SCN9A: variants seen among roughly 807,000 people sequenced by gnomAD.
The protein encoded by SCN9A is sodium voltage-gated channel alpha subunit 9, also known as sodium channel protein type 9 subunit alpha.
Under a neutral mutation model 187.0 loss-of-function variants are expected in SCN9A, and 131 were observed. That is an observed-to-expected ratio of 0.70 (90% confidence interval 0.61 to 0.81). The LOEUF is 0.81. Among genes scored for constraint, SCN9A ranks in the 30% least tolerant of loss-of-function variants. The pLI is 0.00. For missense variants in SCN9A, 2,252 were observed against 2,396.6 expected (o/e 0.94, Z 1.26); for synonymous variants, 809 against 808.6 (o/e 1.00, Z -0.01).
intron 19 of SCN9A, among the ~76,000 whole-genome samples, chr2:166,240,976 C>T (rs1008541373): frequency 4.6e-5 from 7 of 152,124 alleles, no homozygotes; most frequent in African/African-American, 1.7e-4. Context: ...ATAATGCCCC[C>T]ATGAGACCTG....
intron 21 of SCN9A, among the ~76,000 whole-genome samples, chr2:166,231,606 C>A (rs1479487506): frequency 7.6e-6 from 1 of 131,900 alleles, no homozygotes; most frequent in Non-Finnish European, 1.5e-5. Context: ...GGCTGGAGTG[C>A]AGTTGCATGA....
chr2:166,213,427 G>T (rs1398150513), intron 24 of SCN9A, among the ~76,000 whole-genome samples: 1 of 144,896 alleles, frequency 6.9e-6, no homozygotes, highest in Non-Finnish European at 1.5e-5. Flanking sequence ...TGAATCATGA[G>T]GAAATAGAAT....
chr2:166,222,136 C>G (rs2106376004), intron 24 of SCN9A, among the ~76,000 whole-genome samples: 1 of 152,002 alleles, frequency 6.6e-6, no homozygotes, highest in South Asian at 2.1e-4. Context: ...AACTAAAAAG[C>G]TTTGGGAAAA....
Position 166,251,746 on chromosome 2 carries a change from G to C in SCN9A, c.3472+19C>G. The C allele has an allele frequency of 6.2e-7, 1 of 1,611,926 alleles. No homozygotes were observed. The highest frequency in any genetic ancestry group is 1.1e-5 in the South Asian group (1 of 91,016). On this transcript the variant is annotated intron_variant, in intron 18 of 26. Coordinates refer to ENST00000642356, the MANE Select transcript of SCN9A (RefSeq NM_001365536.1). Reference sequence around the variant, plus strand: ...CACTAATTAAGGAATGCTAACCAAGGTCTCAATTTTTGTCTTACCATCTGT... The same window carrying C: ...CACTAATTAAGGAATGCTAACCAAGCTCTCAATTTTTGTCTTACCATCTGT...
In SCN9A at chr2:166,251,808, A is replaced by G. The variant is rs1257392459; in HGVS notation, c.3429T>C (p.Ala1143=). ...CTGGCTCATCGGAATTCATAGGTTC[A>G]GCCTCTGCTTCTTCTCCTTCTCCAG... ...PLPGEGEEAE[A]EPMNSDEPEA... Residue 1143 remains alanine, a synonymous_variant, in exon 18 of 27, where the codon GCT becomes GCC. Coordinates refer to ENST00000642356, the MANE Select transcript of SCN9A (RefSeq NM_001365536.1). 1 of 1,612,774 alleles carries G rather than the reference A, an allele frequency of 6.2e-7. No homozygotes were observed. The highest frequency in any genetic ancestry group is 1.1e-5 in the South Asian group (1 of 91,052).
intron 1 of SCN9A, among the ~76,000 whole-genome samples, chr2:166,328,444 T>A (rs909948427): frequency 1.4e-4 from 22 of 152,212 alleles, no homozygotes; most frequent in Admixed American, 7.9e-4. Flanking sequence ...CCAGTGTGTG[T>A]TTTTCCCCTC....
rs775837515 is a variant in SCN9A at position 166,272,573 on chromosome 2, G to C, written c.3177C>G (p.Ile1059Met). 1.2e-6 allele frequency: 2 copies of C among 1,613,362 alleles called. No individual in the cohort carries two copies. The highest frequency in any genetic ancestry group is 2.2e-5 in the East Asian group (1 of 44,772). Reference protein sequence around the residue: ...GHNFLKEKDKISGFGSSVDKH... With the variant: ...GHNFLKEKDKMSGFGSSVDKH... ...TGTCCACGCTGCTTCCAAAACCACT[G>C]ATTTTATCTTTTTCCTTGAGGAAAT... Residue 1059 changes from isoleucine to methionine, a missense_variant, in exon 17 of 27, where the codon ATC (isoleucine) becomes ATG (methionine). Around this residue, in one of 7 missense-constraint regions of SCN9A, gnomAD observed 313 missense variants for 295.3 expected, o/e 1.06. Transcript: ENST00000642356.
At chr2:166,227,793 G>A in intron 22 of SCN9A, 70 bp from the exon 23 acceptor site, 1 of 810,490 alleles carries the variant, frequency 1.2e-6, no homozygotes, top group Admixed American at 2.1e-5. Flanking sequence ...ACAGAGTTTT[G>A]TCTGTTTAAT....
At chr2:166,353,774 G>A (rs527453833) in intron 1 of SCN9A, among the ~76,000 whole-genome samples, 9 of 152,050 alleles carry the variant, frequency 5.9e-5, no homozygotes, top group East Asian at 1.9e-4. Flanking sequence ...CCCTAAATGC[G>A]GATTTTTATC....
chr2:166,309,207 A>C (rs886763865), intron 2 of SCN9A, among the ~76,000 whole-genome samples: 1 of 152,146 alleles, frequency 6.6e-6, no homozygotes, highest in Non-Finnish European at 1.5e-5. Flanking sequence ...AGCTAACATG[A>C]AAAATCACAA....
chr2:166,249,142 A>G (rs1574803147), intron 18 of SCN9A, among the ~76,000 whole-genome samples: 1 of 152,024 alleles, frequency 6.6e-6, no homozygotes, highest in Non-Finnish European at 1.5e-5. Context: ...TTTTCTTTAC[A>G]TCACGGAAGA....
intron 1 of SCN9A, among the ~76,000 whole-genome samples, chr2:166,352,190 T>G (rs1403524877): frequency 6.6e-6 from 1 of 152,138 alleles, no homozygotes; most frequent in Non-Finnish European, 1.5e-5. Context: ...CGGCCCTACT[T>G]TTAACAGCCT....
chr2:166,278,098 C>T (rs1697317464), intron 15 of SCN9A, 42 bp downstream of exon 15: 1 of 1,491,280 alleles, frequency 6.7e-7, no homozygotes, highest in African/African-American at 1.4e-5. Flanking sequence ...AAGAAATACC[C>T]CTTTATTATA....
chr2:166,208,504 T>A (rs577314216), intron 24 of SCN9A, among the ~76,000 whole-genome samples: 1 of 150,834 alleles, frequency 6.6e-6, no homozygotes. Context: ...ATTGTTAACA[T>A]TTACTCCATA....
At position 166,330,315 on chromosome 2, in the gene SCN9A, A is replaced by C. The variant is rs181840211; in HGVS notation, c.-50-18509T>G. On this transcript the variant is annotated intron_variant, in intron 1 of 26. Coordinates refer to ENST00000642356, the MANE Select transcript of SCN9A (RefSeq NM_001365536.1). Reference sequence around the variant, plus strand: ...TTCTCTGCCACTCTACCTGTTTTTCATTCCCATGCTTAGCAACCATTATAA... The same window carrying C: ...TTCTCTGCCACTCTACCTGTTTTTCCTTCCCATGCTTAGCAACCATTATAA... Among the ~76,000 whole-genome samples the C allele has an allele frequency of 5.3e-5, 8 of 152,114 alleles. No homozygotes were observed. The East Asian group carries it at 1.5e-3, about 29-fold the overall frequency.
chr2:166,303,407 C>T, intron 6 of SCN9A, 105 bp from the exon 7 acceptor site: 1 of 840,814 alleles, frequency 1.2e-6, no homozygotes, highest in East Asian at 2.7e-5. Flanking sequence ...AATCAATGAC[C>T]TTAAGTAACC....
At chr2:166,278,059 C>T in intron 15 of SCN9A, 81 bp downstream of exon 15, 11 of 1,208,606 alleles carry the variant, frequency 9.1e-6, no homozygotes, top group Non-Finnish European at 1.3e-5. Flanking sequence ...TTCAAATTCC[C>T]AAAAGTTTTT....
Position 166,281,670 on chromosome 2 carries a change from A to G in SCN9A, c.2104+9T>C. On this transcript the variant is annotated intron_variant, in intron 13 of 26. Transcript: ENST00000642356. Reference sequence around the variant, plus strand: ...AGAATCTGTACAGTAAAAGAAGATTATTACATACCTTCCACAGTGTTTGTT... The same window carrying G: ...AGAATCTGTACAGTAAAAGAAGATTGTTACATACCTTCCACAGTGTTTGTT... 1 of 1,611,522 alleles carries G rather than the reference A, an allele frequency of 6.2e-7. No homozygotes were observed. The highest frequency in any genetic ancestry group is 8.5e-7 in the Non-Finnish European group (1 of 1,178,470).
At chr2:166,309,064 T>G (rs568970879) in intron 2 of SCN9A, among the ~76,000 whole-genome samples, 19 of 151,250 alleles carry the variant, frequency 1.3e-4, no homozygotes, top group African/African-American at 4.4e-4. Context: ...AAGAAGAAAG[T>G]AACTAATATA....
Sources: gnomAD v4.1 joint callset for allele counts (sites outside exome capture counted in the v4.1 genomes callset) on GRCh38, gnomAD v4.1.1 for gene constraint, gnomAD v4.1.1 regional missense constraint, MANE v1.5 for transcripts, NCBI Gene and HGNC (gene_info 2026-07-23, HGNC 2026-07-21) for gene names.